The following SLC2A12 variants were observed in gnomAD, a reference collection of about 807,000 sequenced individuals.
SLC2A12 encodes the protein solute carrier family 2 member 12.
SLC2A12 carries 23 observed loss-of-function variants against 41.8 expected under a neutral mutation model. The ratio of observed to expected loss-of-function variants is 0.55; its 90% confidence interval spans 0.40 to 0.78. SLC2A12 has a LOEUF of 0.78. Ranked by LOEUF, SLC2A12 falls within the 30% of genes least tolerant of loss-of-function variation. SLC2A12 has a pLI of 0.00. For missense variants in SLC2A12, 654 were observed against 745.6 expected (o/e 0.88, Z 1.43); for synonymous variants, 295 against 285.9 (o/e 1.03, Z -0.32).
At chr6:134,023,104 T>A (rs749663931) in intron 2 of SLC2A12, among the ~76,000 whole-genome samples, 1 of 152,186 alleles carries the variant, frequency 6.6e-6, no homozygotes, top group Non-Finnish European at 1.5e-5. Flanking sequence ...CATCACAGCA[T>A]GCATATCACA....
intron 1 of SLC2A12, among the ~76,000 whole-genome samples, chr6:134,035,160 A>G (rs1158607788): frequency 2.2e-5 from 2 of 89,670 alleles, no homozygotes; most frequent in South Asian, 1.2e-3. Context: ...ACAAAAAAAA[A>G]AAAAAAAAAA....
rs1341860501 is a variant in SLC2A12, at chr6:133,989,905, G to C, written c.*1250C>G. ...AATTCTTTTTCAAGTTAGGTTGTTCGTGCTTTTAAGTTTTTTGTGTGTCTT... is the reference window on the plus strand; with the variant it reads ...AATTCTTTTTCAAGTTAGGTTGTTCCTGCTTTTAAGTTTTTTGTGTGTCTT... On this transcript the variant is annotated 3_prime_UTR_variant, in exon 5 of 5. Transcript: ENST00000275230. The C allele has an allele frequency of 6.6e-6, 1 of 152,126 alleles. No individual in the cohort carries two copies. The highest frequency in any genetic ancestry group is 2.4e-5 in the African/African-American group (1 of 41,446). 9.4% of individuals were successfully genotyped at this position (152,126 alleles called of 1,614,324 possible). A position where few individuals can be genotyped will look rare whatever the true frequency, so the allele number is the denominator to read the frequency against.
chr6:134,032,829 TATATTATTTATATATAA>T (rs1777240243), intron 1 of SLC2A12, among the ~76,000 whole-genome samples: 1 of 144,036 alleles, frequency 6.9e-6, no homozygotes, highest in Non-Finnish European at 1.5e-5. Context: ...ATATAAATTA[TATATTATTTATATATAA>T]ATATATATTT....
intron 2 of SLC2A12, among the ~76,000 whole-genome samples, chr6:134,022,995 TACCTTTGGTCTTTGTA>T (rs1448061467): frequency 2.6e-5 from 4 of 152,246 alleles, no homozygotes; most frequent in Admixed American, 2.6e-4. Flanking sequence ...AAACTCATGT[TACCTTTGGTCTTTGTA>T]ACCTTTGGTT....
chr6:134,038,114 G>A (rs968875423), intron 1 of SLC2A12, among the ~76,000 whole-genome samples: 1 of 151,926 alleles, frequency 6.6e-6, no homozygotes, highest in Non-Finnish European at 1.5e-5. Flanking sequence ...AATTTTCTAC[G>A]GAAAAAATAT....
chr6:134,036,695 T>C (rs967485859), intron 1 of SLC2A12, among the ~76,000 whole-genome samples: 3 of 152,164 alleles, frequency 2.0e-5, no homozygotes, highest in African/African-American at 7.2e-5. Flanking sequence ...CTCCCCACAA[T>C]TGTATCAACA....
chr6:133,989,010 A>G lies in SLC2A12; in HGVS notation c.*2145T>C, dbSNP rs1239671111. The G allele has an allele frequency of 6.6e-6, 1 of 152,204 alleles. No individual in the cohort carries two copies. Among genetic ancestry groups the G allele is most frequent in the Non-Finnish European group, 1.5e-5 (1 of 68,024 alleles). The allele number at this position is 152,204 out of a possible 1,614,324, so 9.4% of individuals were successfully genotyped here. ...CATGACTTGAAAACTGGGCAGATCA[A>G]TAGATAATCGAAGTGCTTTATCTGA... On this transcript the variant is annotated 3_prime_UTR_variant, in exon 5 of 5. Transcript: ENST00000275230.
chr6:133,990,572 T>TA lies in SLC2A12; in HGVS notation c.*582dup, dbSNP rs1229019570. On this transcript the variant is annotated 3_prime_UTR_variant, in exon 5 of 5. Coordinates refer to ENST00000275230, the MANE Select transcript of SLC2A12 (RefSeq NM_145176.3). The stretch of plus-strand genomic sequence containing the variant: ...GCATTAAATTATAGTTTATAGTTCA[T>TA]AAAATAAGCTCTATAATCTTTATAC... 1.3e-5 allele frequency: 2 copies of TA among 152,314 alleles called. No homozygotes were observed. The highest frequency in any genetic ancestry group is 3.9e-4 in the East Asian group (2 of 5,194). 9.4% of individuals were successfully genotyped at this position (152,314 alleles called of 1,614,324 possible). A position where few individuals can be genotyped will look rare whatever the true frequency, so the allele number is the denominator to read the frequency against.
chr6:134,022,849 A>C (rs1365022837), intron 2 of SLC2A12, among the ~76,000 whole-genome samples: 1 of 152,230 alleles, frequency 6.6e-6, no homozygotes, highest in East Asian at 1.9e-4. Flanking sequence ...CACGTACTAC[A>C]TGATTTTCCT....
At chr6:134,010,159 T>G (rs575377355) in intron 2 of SLC2A12, among the ~76,000 whole-genome samples, 1 of 152,286 alleles carries the variant, frequency 6.6e-6, no homozygotes, top group Admixed American at 6.5e-5. Flanking sequence ...ACATGGGGAT[T>G]TGATGTGTTT....
chr6:134,047,397 A>G (rs749073756), intron 1 of SLC2A12, among the ~76,000 whole-genome samples: 1 of 152,210 alleles, frequency 6.6e-6, no homozygotes, highest in South Asian at 2.1e-4. Flanking sequence ...AATGCTCCCT[A>G]TGAAACCGTG....
rs1776619134 is a variant in SLC2A12 at position 133,991,247 on chromosome 6, G to A, written c.1762C>T (p.Gln588Ter). 6.2e-7 allele frequency: 1 copy of A among 1,613,962 alleles called. No homozygotes were observed. Among genetic ancestry groups the A allele is most frequent in the Non-Finnish European group, 8.5e-7 (1 of 1,179,976 alleles). The change falls in exon 5 of 5, where the codon CAG (glutamine) becomes TAG (stop). Residue 588 changes from glutamine to a stop codon, truncating the protein, a stop_gained. Transcript: ENST00000275230. LOFTEE classifies it high-confidence loss of function. ...SHHQEELVPKQPQKRKPQEQL... is the reference protein window; with the variant it reads ...SHHQEELVPK The stretch of plus-strand genomic sequence containing the variant: ...TCCTGGGGTTTTCTTTTTTGAGGCT[G>A]TTTTGGCACTAATTCTTCTTGGTGA...
intron 4 of SLC2A12, among the ~76,000 whole-genome samples, chr6:133,992,696 G>C (rs1776639605): frequency 6.6e-6 from 1 of 152,142 alleles, no homozygotes; most frequent in Admixed American, 6.5e-5. Flanking sequence ...GGCCTTGGTG[G>C]GCCATGGAAA....
At chr6:134,037,980 T>G (rs1202637076) in intron 1 of SLC2A12, among the ~76,000 whole-genome samples, 1 of 152,152 alleles carries the variant, frequency 6.6e-6, no homozygotes, top group Non-Finnish European at 1.5e-5. Flanking sequence ...TGACAAATAC[T>G]GGGTACAAGG....
chr6:133,997,873 T>G (rs1328148094), intron 4 of SLC2A12, among the ~76,000 whole-genome samples: 1 of 152,364 alleles, frequency 6.6e-6, no homozygotes, highest in African/African-American at 2.4e-5. Flanking sequence ...TCATGGTTTA[T>G]AGCTAGTAGG....
chr6:134,012,643 C>A (rs1186055629), intron 2 of SLC2A12, among the ~76,000 whole-genome samples: 1 of 152,070 alleles, frequency 6.6e-6, no homozygotes, highest in African/African-American at 2.4e-5. Flanking sequence ...AAATACCATA[C>A]CTATTTGATA....
chr6:134,035,904 G>T (rs1777291062), intron 1 of SLC2A12, among the ~76,000 whole-genome samples: 1 of 152,208 alleles, frequency 6.6e-6, no homozygotes, highest in African/African-American at 2.4e-5. Context: ...AGAGCACCAA[G>T]GGTGCCACGA....
chr6:134,051,518 G>C (rs142849967), intron 1 of SLC2A12, among the ~76,000 whole-genome samples: 243 of 152,318 alleles, frequency 1.6e-3, no homozygotes, highest in Non-Finnish European at 3.0e-3. Context: ...TAGTAGGAAA[G>C]AGAAGATTTT....
chr6:134,035,978 C>A (rs558972974), intron 1 of SLC2A12, among the ~76,000 whole-genome samples: 52 of 152,290 alleles, frequency 3.4e-4, no homozygotes, highest in African/African-American at 1.3e-3. Context: ...TCAGATGAAA[C>A]CACAACTGTA....
Sources: gnomAD v4.1 joint callset for allele counts (sites outside exome capture counted in the v4.1 genomes callset) on GRCh38, gnomAD v4.1.1 for gene constraint, MANE v1.5 for transcripts, NCBI Gene and HGNC (gene_info 2026-07-23, HGNC 2026-07-21) for gene names.